The following CLIC5 variants were observed in gnomAD, a reference collection of about 807,000 sequenced individuals.
The protein encoded by CLIC5 is chloride intracellular channel protein 5.
CLIC5 carries 20 observed loss-of-function variants against 24.7 expected under a neutral mutation model. That is an observed-to-expected ratio of 0.81 (90% CI 0.57 to 1.18). The LOEUF (loss-of-function observed/expected upper bound fraction) is 1.18. CLIC5 is among the 50% of genes most tolerant of loss of function. The pLI, the probability that CLIC5 is intolerant of heterozygous loss-of-function variation, is 0.00. For synonymous variants in CLIC5, 159 were observed against 135.6 expected (o/e 1.17, Z -1.20); for missense variants, 341 against 326.1 (o/e 1.05, Z -0.35).
chr6:46,019,458 G>A (rs538794738), upstream of CLIC5, among the ~76,000 whole-genome samples: 6 of 151,222 alleles, frequency 4.0e-5, no homozygotes, highest in South Asian at 1.0e-3. Context: ...AGGCCGAGGC[G>A]GATGGATCAT....
chr6:45,975,613 AT>A lies in CLIC5; in HGVS notation c.64-20370del, dbSNP rs561029954. Among the ~76,000 whole-genome samples, 360 of 152,252 alleles carry A rather than the reference AT, an allele frequency of 2.4e-3. 2 individuals carry two copies. The highest frequency in any genetic ancestry group is 4.3e-3 in the Non-Finnish European group (292 of 68,026). ...CAATATGGACATTTATTTTAAATAT[AT>A]ATGTATATAGTTATGTTGCTAATCT... On this transcript the variant is annotated intron_variant, in intron 1 of 5. Transcript: ENST00000339561.
intron 1 of CLIC5, among the ~76,000 whole-genome samples, chr6:46,060,006 G>A (rs1358583213): frequency 1.3e-5 from 2 of 152,098 alleles, no homozygotes; most frequent in Non-Finnish European, 2.9e-5. Flanking sequence ...GTGAGAGATA[G>A]GGGTCTAGTT....
At chr6:45,932,653 A>T (rs1370179771) in intron 4 of CLIC5, 1 of 152,352 alleles carries the variant, frequency 6.6e-6, no homozygotes, top group Non-Finnish European at 1.5e-5. Context: ...GTTGTTGGGG[A>T]CACAAACCAT....
chr6:46,091,398 G>T, the CLIC5 span, among the ~76,000 whole-genome samples: 2 of 152,178 alleles, frequency 1.3e-5, no homozygotes, highest in African/African-American at 4.8e-5. Context: ...ATGTCCTCCA[G>T]TTTCATCCAT....
intron 1 of CLIC5, among the ~76,000 whole-genome samples, chr6:45,970,087 C>T (rs1182454402): frequency 2.0e-5 from 3 of 152,290 alleles, no homozygotes; most frequent in South Asian, 4.1e-4. Context: ...CCTCTCCTCA[C>T]CCCCAGCCAG....
intron 1 of CLIC5, among the ~76,000 whole-genome samples, chr6:45,986,032 C>G (rs1184617632): frequency 6.6e-6 from 1 of 152,170 alleles, no homozygotes; most frequent in Non-Finnish European, 1.5e-5. Flanking sequence ...CAAGCTCTGT[C>G]TTGCCTGCCA....
intron 5 of CLIC5, chr6:45,912,053 C>T (rs965717764): frequency 1.8e-5 from 18 of 985,864 alleles, no homozygotes; most frequent in East Asian, 2.3e-4. Context: ...AGGATGCACA[C>T]GGAGATCTGA....
chr6:46,055,135 T>G (rs564529280), intron 1 of CLIC5, among the ~76,000 whole-genome samples: 51 of 152,336 alleles, frequency 3.3e-4, no homozygotes, highest in African/African-American at 1.2e-3. Context: ...AGAGTCTCGC[T>G]CTTGTCACCC....
At position 45,955,130 on chromosome 6, in the gene CLIC5, G is replaced by A. The variant is rs755109540; in HGVS notation, c.173+5C>T. The A allele has an allele frequency of 3.7e-5, 60 of 1,603,060 alleles. 1 individual carries two copies. In the South Asian group the frequency reaches 3.9e-4, roughly 10 times the overall value. On this transcript the variant is annotated splice_donor_5th_base_variant and intron_variant, in intron 2 of 5. Coordinates refer to ENST00000339561, the MANE Select transcript of CLIC5 (RefSeq NM_016929.5). ...CATACTCCTCATTTATGCAACGTAC[G>A]TTACCTTTTCAGATCCACAGTGGTG... is the stretch of plus-strand genomic sequence containing the variant.
At chr6:46,086,730 G>C in the CLIC5 span, among the ~76,000 whole-genome samples, 3 of 152,168 alleles carry the variant, frequency 2.0e-5, no homozygotes, top group Non-Finnish European at 4.4e-5. Flanking sequence ...ATTTCTAGTA[G>C]CTGGTATTGC....
At chr6:45,996,120 TAAA>T (rs59715080) in intron 1 of CLIC5, among the ~76,000 whole-genome samples, 3 of 128,356 alleles carry the variant, frequency 2.3e-5, no homozygotes, top group Admixed American at 7.9e-5. Flanking sequence ...ACCTCAGAAC[TAAA>T]AAAAAAAAAA....
intron 1 of CLIC5, among the ~76,000 whole-genome samples, chr6:45,978,893 T>C (rs1228913457): frequency 2.0e-5 from 3 of 151,334 alleles, no homozygotes; most frequent in East Asian, 3.9e-4. Flanking sequence ...GAGGTTGCAG[T>C]GAGCCAAGAT....
intron 1 of CLIC5, among the ~76,000 whole-genome samples, chr6:46,014,088 T>C (rs1358500303): frequency 6.6e-6 from 1 of 151,954 alleles, no homozygotes; most frequent in East Asian, 1.9e-4. Context: ...GGGGCCACAG[T>C]GGGAAGAGAA....
At chr6:45,975,183 G>A (rs1197551604) in intron 1 of CLIC5, among the ~76,000 whole-genome samples, 3 of 152,126 alleles carry the variant, frequency 2.0e-5, no homozygotes, top group Non-Finnish European at 2.9e-5. Context: ...CTCTGATTTA[G>A]AACTGGAGAG....
intron 2 of CLIC5, among the ~76,000 whole-genome samples, chr6:45,950,473 AG>A (rs2127380874): frequency 6.6e-6 from 1 of 151,902 alleles, no homozygotes; most frequent in Non-Finnish European, 1.5e-5. Flanking sequence ...GGAAGACTGA[AG>A]CAGGAAGATT....
rs1452047790 is a variant in CLIC5 at position 45,900,443 on chromosome 6, A to G, written c.*2645T>C. ...TGTTCTTGGGACACCTAAGGACCTC[A>G]CCACACTGTTGCTGAGACATGATGT... On this transcript the variant is annotated 3_prime_UTR_variant, in exon 6 of 6. Transcript: ENST00000339561. 2 of 147,960 alleles carry G rather than the reference A, an allele frequency of 1.4e-5. No individual in the cohort carries two copies. The highest frequency in any genetic ancestry group is 2.1e-4 in the East Asian group (1 of 4,848). 9.2% of individuals were successfully genotyped at this position (147,960 alleles called of 1,614,324 possible).
At chr6:46,095,830 C>T in the CLIC5 span, among the ~76,000 whole-genome samples, 1 of 152,006 alleles carries the variant, frequency 6.6e-6, no homozygotes, top group Non-Finnish European at 1.5e-5. Context: ...TATCTTTATC[C>T]CAACCCCTGG....
the CLIC5 span, among the ~76,000 whole-genome samples, chr6:46,090,379 A>G: frequency 6.7e-6 from 1 of 149,000 alleles, no homozygotes; most frequent in Non-Finnish European, 1.5e-5. Flanking sequence ...GGTCAGAGCT[A>G]GTTCATAGAT....
intron 5 of CLIC5, among the ~76,000 whole-genome samples, chr6:45,903,582 C>G (rs1762567559): frequency 2.0e-5 from 3 of 152,106 alleles, no homozygotes; most frequent in Non-Finnish European, 4.4e-5. Context: ...AAATGGTGCA[C>G]AGCGCCAAAG....
Sources: gnomAD v4.1 joint callset for allele counts (sites outside exome capture counted in the v4.1 genomes callset) on GRCh38, gnomAD v4.1.1 for gene constraint, MANE v1.5 for transcripts, NCBI Gene and HGNC (gene_info 2026-07-23, HGNC 2026-07-21) for gene names.